The following PLCL1 variants were observed in gnomAD, a reference collection of about 807,000 sequenced individuals.
PLCL1 encodes inactive phospholipase C-like protein 1.
A neutral mutation model predicts 84.4 loss-of-function variants in PLCL1; 41 were observed. The ratio of observed to expected loss-of-function variants is 0.49; its 90% CI spans 0.38 to 0.63. The LOEUF (loss-of-function observed/expected upper bound fraction) is 0.63. Ranked by LOEUF, PLCL1 falls within the 30% of genes least tolerant of loss-of-function variation. The pLI is 0.00. For missense variants in PLCL1, 1,206 were observed against 1,367.8 expected, an observed-to-expected ratio of 0.88 and a Z score of 1.87; for synonymous variants, 490 against 488.3, an observed-to-expected ratio of 1.00 and a Z score of -0.05.
At chr2:197,984,803 G>A (rs1690188174) in intron 1 of PLCL1, among the ~76,000 whole-genome samples, 1 of 152,170 alleles carries the variant, frequency 6.6e-6, no homozygotes, top group African/African-American at 2.4e-5. Flanking sequence ...TTCTACAAAA[G>A]AGCTTGTAAA....
At chr2:198,088,771 A>G (rs973893602) in intron 2 of PLCL1, 87 bp from the exon 3 acceptor site, 17 of 821,246 alleles carry the variant, frequency 2.1e-5, no homozygotes, top group South Asian at 8.1e-5. Context: ...TCTTTTAAAA[A>G]TGAATGTACT....
intron 1 of PLCL1, among the ~76,000 whole-genome samples, chr2:197,887,016 T>A (rs945693575): frequency 2.0e-5 from 3 of 152,200 alleles, no homozygotes; most frequent in African/African-American, 7.2e-5. Context: ...ATGCAAAGAA[T>A]TAAACACTTC....
chr2:197,979,289 G>T (rs535832127), intron 1 of PLCL1, among the ~76,000 whole-genome samples: 4 of 152,134 alleles, frequency 2.6e-5, no homozygotes, highest in Non-Finnish European at 5.9e-5. Flanking sequence ...GGTTGTTTTT[G>T]TCTTTTTGGT....
intron 1 of PLCL1, among the ~76,000 whole-genome samples, chr2:197,847,357 C>A (rs539744055): frequency 6.6e-6 from 1 of 152,244 alleles, no homozygotes; most frequent in Admixed American, 6.5e-5. Flanking sequence ...TGCCCCAGAT[C>A]CTCAGCACCC....
At position 197,897,188 on chromosome 2, in the gene PLCL1, TCTCCTTCTCC is replaced by T. The variant is rs1559038679; in HGVS notation, c.240+91850_240+91859del. Among the ~76,000 whole-genome samples, 88 of 41,192 alleles carry T rather than the reference TCTCCTTCTCC, an allele frequency of 2.1e-3. 5 individuals are homozygous for T. The highest frequency in any genetic ancestry group is 8.1e-3 in the African/African-American group (85 of 10,464). The allele number at this position is 41,192 out of a possible 152,430, so 27.0% of individuals were successfully genotyped here. A position where few individuals can be genotyped will look rare whatever the true frequency, so the allele number is the denominator to read the frequency against. ...TTCTTCTTCTTCTTCTTCTTCTTCT[TCTCCTTCTCC>T]TTCTTCTTTCTTCTTCCTCTTCTTC... On this transcript the variant is annotated intron_variant, in intron 1 of 5. Transcript: ENST00000428675.
intron 1 of PLCL1, among the ~76,000 whole-genome samples, chr2:197,890,868 C>A (rs867895566): frequency 4.8e-5 from 1 of 20,758 alleles, no homozygotes; most frequent in Non-Finnish European, 9.0e-5. Context: ...TGTATATATA[C>A]ATATATGCAT....
rs180891952 is a variant in PLCL1 at position 197,827,373 on chromosome 2, T to C, written c.240+22034T>C. ...GTGTATATATGCATATAAATATATA[T>C]GTGTATATATATATATAGGCATAGT... On this transcript the variant is annotated intron_variant, in intron 1 of 5. Transcript: ENST00000428675. 1.1e-3 allele frequency among the ~76,000 whole-genome samples: 171 copies of C among 152,170 alleles called. 1 individual carries two copies. Among genetic ancestry groups the C allele is most frequent in the Non-Finnish European group, 5.6e-4 (38 of 67,998 alleles).
intron 1 of PLCL1, among the ~76,000 whole-genome samples, chr2:198,012,525 G>T (rs1481082146): frequency 6.6e-6 from 1 of 151,928 alleles, no homozygotes; most frequent in East Asian, 1.9e-4. Context: ...GCCAATATGT[G>T]TCTTTTAATT....
chr2:197,933,465 G>A (rs1688989365), intron 1 of PLCL1, among the ~76,000 whole-genome samples: 1 of 151,846 alleles, frequency 6.6e-6, no homozygotes, highest in African/African-American at 2.4e-5. Flanking sequence ...GGGTTTCGCC[G>A]TGTTAGCTAG....
At chr2:198,122,838 CTAAG>C (rs1328616027) in intron 5 of PLCL1, among the ~76,000 whole-genome samples, 1 of 152,136 alleles carries the variant, frequency 6.6e-6, no homozygotes, top group East Asian at 1.9e-4. Flanking sequence ...AGACAGTGTT[CTAAG>C]TGTTTTGTAC....
intron 1 of PLCL1, among the ~76,000 whole-genome samples, chr2:197,918,443 C>T (rs1012522316): frequency 6.6e-6 from 1 of 151,940 alleles, no homozygotes; most frequent in Non-Finnish European, 1.5e-5. Flanking sequence ...GTTAATATAT[C>T]AGTAATAGTT....
intron 1 of PLCL1, among the ~76,000 whole-genome samples, chr2:197,869,341 C>T (rs1687605240): frequency 6.6e-6 from 1 of 151,952 alleles, no homozygotes; most frequent in Non-Finnish European, 1.5e-5. Context: ...TAATAATAAC[C>T]TCCTCTGACT....
intron 1 of PLCL1, among the ~76,000 whole-genome samples, chr2:198,059,866 G>C (rs569149070): frequency 6.6e-6 from 1 of 152,284 alleles, no homozygotes; most frequent in African/African-American, 2.4e-5. Flanking sequence ...GATGCACGGG[G>C]ACAGAGGGGC....
At chr2:197,917,727 G>T (rs1419234263) in intron 1 of PLCL1, among the ~76,000 whole-genome samples, 1 of 152,180 alleles carries the variant, frequency 6.6e-6, no homozygotes, top group African/African-American at 2.4e-5. Flanking sequence ...GTAAGTGGAT[G>T]ATTCTAGGAC....
chr2:198,018,728 C>T (rs556150070), intron 1 of PLCL1, among the ~76,000 whole-genome samples: 169 of 152,342 alleles, frequency 1.1e-3, no homozygotes, highest in African/African-American at 3.8e-3. Flanking sequence ...GCAGCAGCCC[C>T]AGTCAGGGGA....
intron 1 of PLCL1, among the ~76,000 whole-genome samples, chr2:197,923,834 C>T (rs555894299): frequency 1.5e-4 from 23 of 151,752 alleles, no homozygotes; most frequent in Admixed American, 1.2e-3. Context: ...TGTAGCGAGC[C>T]GAGATCACGC....
chr2:198,035,581 G>GCTC, intron 1 of PLCL1, among the ~76,000 whole-genome samples: 1 of 152,136 alleles, frequency 6.6e-6, no homozygotes, highest in Middle Eastern at 3.4e-3. Flanking sequence ...GCTCCAAGGG[G>GCTC]CTCCTACTAG....
chr2:197,871,714 A>G (rs1687655150), intron 1 of PLCL1, among the ~76,000 whole-genome samples: 1 of 152,118 alleles, frequency 6.6e-6, no homozygotes, highest in African/African-American at 2.4e-5. Flanking sequence ...AATACAAAAC[A>G]AAAATAACAA....
At chr2:198,020,267 C>T (rs1373764996) in intron 1 of PLCL1, among the ~76,000 whole-genome samples, 1 of 152,180 alleles carries the variant, frequency 6.6e-6, no homozygotes, top group Non-Finnish European at 1.5e-5. Flanking sequence ...AAAACCAGTA[C>T]AAGTCACTGC....
Sources: gnomAD v4.1 joint callset for allele counts (sites outside exome capture counted in the v4.1 genomes callset) on GRCh38, gnomAD v4.1.1 for gene constraint, MANE v1.5 for transcripts, NCBI Gene and HGNC (gene_info 2026-07-23, HGNC 2026-07-21) for gene names.